Variants in LAMTOR1 observed in about 807,000 individuals in gnomAD.
LAMTOR1 encodes the protein late endosomal/lysosomal adaptor, MAPK and MTOR activator 1, also known as ragulator complex protein LAMTOR1.
In LAMTOR1, 8 loss-of-function variants were observed where a neutral mutation model predicts 20.5. That is an observed-to-expected ratio of 0.39 (90% CI 0.23 to 0.70). The LOEUF is 0.70. Ranked by LOEUF, LAMTOR1 falls within the 30% of genes least tolerant of loss-of-function variation. The pLI, the probability that LAMTOR1 is intolerant of heterozygous loss-of-function variation, is 0.43. For synonymous variants in LAMTOR1, 77 were observed against 80.9 expected (o/e 0.95, Z 0.26); for missense variants, 135 against 206.2 (o/e 0.65, Z 2.11).
At chr11:72,101,255 G>GC (rs775075896) in intron 1 of LAMTOR1, among the ~76,000 whole-genome samples, 5 of 149,552 alleles carry the variant, frequency 3.3e-5, no homozygotes, top group Non-Finnish European at 7.4e-5. Context: ...CTCCCAAAGT[G>GC]CGAGTGGAGC....
chr11:72,098,642 C>T (rs1591175683), intron 3 of LAMTOR1, 139 bp downstream of exon 3: 3 of 785,108 alleles, frequency 3.8e-6, no homozygotes, highest in South Asian at 3.7e-5. Context: ...ACTACTGAAG[C>T]ACCCAAGTGA....
intron 1 of LAMTOR1, among the ~76,000 whole-genome samples, chr11:72,101,150 G>C (rs1253266381): frequency 6.6e-6 from 1 of 152,204 alleles, no homozygotes; most frequent in East Asian, 1.9e-4. Flanking sequence ...TCAGCCTTCA[G>C]CTAAGATCAA....
Position 72,097,318 on chromosome 11 carries a change from G to C in LAMTOR1, c.*504C>G. On this transcript the variant is annotated 3_prime_UTR_variant, in exon 5 of 5. Transcript: ENST00000278671. Reference sequence around the variant, plus strand: ...GGATGAATATACTTCCTTTATCGAGGGTGACAAACCAAAACAAAAAAAGAC... The same window carrying C: ...GGATGAATATACTTCCTTTATCGAGCGTGACAAACCAAAACAAAAAAAGAC... The C allele has an allele frequency of 1.0e-6, 1 of 994,928 alleles. No individual in the cohort carries two copies. Among genetic ancestry groups the C allele is most frequent in the South Asian group, 4.4e-5 (1 of 22,542 alleles). The allele number at this position is 994,928 out of a possible 1,614,324, so 61.6% of individuals were successfully genotyped here.
intron 1 of LAMTOR1, among the ~76,000 whole-genome samples, chr11:72,102,580 A>G (rs1945484439): frequency 1.3e-5 from 2 of 152,212 alleles, no homozygotes; most frequent in Admixed American, 6.5e-5. Context: ...CCCACAATCT[A>G]GCCAAAGCTA....
chr11:72,097,333 C>CA lies in LAMTOR1; in HGVS notation c.*488dup. On this transcript the variant is annotated 3_prime_UTR_variant, in exon 5 of 5. Coordinates refer to ENST00000278671, the MANE Select transcript of LAMTOR1 (RefSeq NM_017907.3). ...CTTTATCGAGGGTGACAAACCAAAA[C>CA]AAAAAAAGACCAAACATGTAAAAAC... 4.0e-6 allele frequency: 4 copies of CA among 994,652 alleles called. No homozygotes were observed. Among genetic ancestry groups the CA allele is most frequent in the Non-Finnish European group, 4.8e-6 (4 of 834,872 alleles). 61.6% of individuals were successfully genotyped at this position (994,652 alleles called of 1,614,324 possible).
chr11:72,103,140 T>C, intron 1 of LAMTOR1, 43 bp downstream of exon 1: 1 of 1,569,026 alleles, frequency 6.4e-7, no homozygotes, highest in Non-Finnish European at 8.6e-7. Context: ...CATGCCCCAG[T>C]GTCTTAGCCC....
intron 1 of LAMTOR1, among the ~76,000 whole-genome samples, chr11:72,100,475 T>G (rs1331246124): frequency 6.6e-6 from 1 of 152,230 alleles, no homozygotes; most frequent in Non-Finnish European, 1.5e-5. Flanking sequence ...GATTTGACCC[T>G]GCCTTGAGAC....
In LAMTOR1 at chr11:72,098,393, T is replaced by C; in HGVS notation, c.289A>G (p.Ser97Gly). The change falls in exon 4 of 5, where the codon AGC becomes GGC. Residue 97 changes from serine to glycine, a missense_variant. By Grantham distance (56) the Ser-to-Gly change is moderately conservative. Transcript: ENST00000278671. The stretch of plus-strand genomic sequence containing the variant: ...AGCTTCTTCCAATGGGTCAGGCTGC[T>C]GCTCAGCACAGCCAAGCGGGTGCTG... ...QYSTRLAVLS[S>G]SLTHWKKLPP... The C allele has an allele frequency of 6.2e-7, 1 of 1,612,208 alleles. No homozygotes were observed.
chr11:72,098,243 G>C, intron 4 of LAMTOR1, 46 bp downstream of exon 4: 1 of 1,610,414 alleles, frequency 6.2e-7, no homozygotes, highest in Non-Finnish European at 8.5e-7. Context: ...GCCATACCCT[G>C]GGCAGTGTGA....
Position 72,103,245 on chromosome 11 carries a change from C to G in LAMTOR1, c.-21G>C, listed in dbSNP as rs1373352021. The G allele has an allele frequency of 5.8e-6, 9 of 1,553,396 alleles. No homozygotes were observed. In the East Asian group the frequency reaches 2.2e-4, roughly 38 times the overall value. ...CCCATGGCCGGGGTCGGGCCGGGCG[C>G]TCAGGCCGCGCCGAGGAGGGACGGC... On this transcript the variant is annotated 5_prime_UTR_variant, in exon 1 of 5. Transcript: ENST00000278671.
chr11:72,097,531 C>A lies in LAMTOR1; in HGVS notation c.*291G>T. 1.7e-6 allele frequency: 2 copies of A among 1,187,914 alleles called. No homozygotes were observed. The highest frequency in any genetic ancestry group is 4.8e-5 in the East Asian group (1 of 20,652). 73.6% of individuals were successfully genotyped at this position (1,187,914 alleles called of 1,614,324 possible). On this transcript the variant is annotated 3_prime_UTR_variant, in exon 5 of 5. Coordinates refer to ENST00000278671, the MANE Select transcript of LAMTOR1 (RefSeq NM_017907.3). ...ATCTCCCTAGGTCCCCTGGTGATCA[C>A]CCCCCACCCAAACTGGTATCTCCAC... is the stretch of plus-strand genomic sequence containing the variant.
At chr11:72,099,363 A>G (rs1271831368) in intron 1 of LAMTOR1, 107 bp from the exon 2 acceptor site, 9 of 1,256,772 alleles carry the variant, frequency 7.2e-6, no homozygotes, top group East Asian at 2.6e-5. Context: ...AAATGTTTCT[A>G]TAAGGAATAT....
Position 72,097,733 on chromosome 11 carries a change from C to T in LAMTOR1, c.*89G>A, listed in dbSNP as rs980601009. On this transcript the variant is annotated 3_prime_UTR_variant, in exon 5 of 5. Coordinates refer to ENST00000278671, the MANE Select transcript of LAMTOR1 (RefSeq NM_017907.3). ...CTGTGATTAGTAGCAGGTTAGGGTA[C>T]TGTATAAGCCGCAGTGAGGCTGGGG... 2.5e-6 allele frequency: 4 copies of T among 1,605,462 alleles called. 1 individual carries two copies. The highest frequency in any genetic ancestry group is 3.3e-4 in the Middle Eastern group (2 of 6,004).
chr11:72,098,015 G>A, intron 4 of LAMTOR1, 101 bp from the exon 5 acceptor site: 1 of 1,382,030 alleles, frequency 7.2e-7, no homozygotes, highest in Non-Finnish European at 9.8e-7. Context: ...GAGAAGGAGG[G>A]AATGAAGGGG....
chr11:72,103,032 G>C (rs1945504586), intron 1 of LAMTOR1, 151 bp downstream of exon 1: 10 of 1,069,726 alleles, frequency 9.3e-6, no homozygotes, highest in Non-Finnish European at 1.4e-5. Context: ...TAGGAGCCCG[G>C]CTTGGCGTCT....
Position 72,097,888 on chromosome 11 carries a change from G to A in LAMTOR1, c.420C>T (p.Tyr140=). The A allele has an allele frequency of 6.2e-7, 1 of 1,608,464 alleles. No individual in the cohort carries two copies. Among genetic ancestry groups the A allele is most frequent in the Non-Finnish European group, 8.5e-7 (1 of 1,175,890 alleles). The change falls in exon 5 of 5, where the codon TAC becomes TAT. Residue 140 remains tyrosine, a synonymous_variant. Coordinates refer to ENST00000278671, the MANE Select transcript of LAMTOR1 (RefSeq NM_017907.3). ...QQVSRIAAYA[Y]SALSQIRVDA... is the part of the protein sequence containing the mutation. ...CCACACGGATCTGAGAAAGTGCACT[G>A]TAGGCATAAGCAGCTATCCTGGAGA...
At chr11:72,101,526 C>T (rs1275573691) in intron 1 of LAMTOR1, among the ~76,000 whole-genome samples, 1 of 152,236 alleles carries the variant, frequency 6.6e-6, no homozygotes, top group Non-Finnish European at 1.5e-5. Flanking sequence ...ACATAACCCA[C>T]ACTAATATGA....
Position 72,097,510 on chromosome 11 carries a change from C to T in LAMTOR1, c.*312G>A. 8.7e-7 allele frequency: 1 copy of T among 1,145,980 alleles called. No individual in the cohort carries two copies. The highest frequency in any genetic ancestry group is 3.8e-4 in the Middle Eastern group (1 of 2,658). The allele number at this position is 1,145,980 out of a possible 1,614,324, so 71.0% of individuals were successfully genotyped here. ...AACAGAGAGGGTGGGAAGGGGATCT[C>T]CCTAGGTCCCCTGGTGATCACCCCC... On this transcript the variant is annotated 3_prime_UTR_variant, in exon 5 of 5. Coordinates refer to ENST00000278671, the MANE Select transcript of LAMTOR1 (RefSeq NM_017907.3).
intron 4 of LAMTOR1, 128 bp from the exon 5 acceptor site, chr11:72,098,042 G>A: frequency 8.3e-7 from 1 of 1,207,970 alleles, no homozygotes; most frequent in Non-Finnish European, 1.2e-6. Flanking sequence ...AAGGCAAAGA[G>A]AAAGACAGGG....
Sources: allele counts gnomAD v4.1 joint callset (sites outside exome capture counted in the v4.1 genomes callset), GRCh38; gene constraint gnomAD v4.1.1; transcripts MANE v1.5; gene names NCBI Gene and HGNC (gene_info 2026-07-23, HGNC 2026-07-21).